The following SETD7 variants were observed in gnomAD, a reference collection of about 807,000 sequenced individuals.
The protein encoded by SETD7 is histone-lysine N-methyltransferase SETD7.
Under a neutral mutation model 41.8 loss-of-function variants are expected in SETD7, and 16 were observed. The observed-to-expected ratio is 0.38, with a 90% CI of 0.26 to 0.58. The LOEUF (loss-of-function observed/expected upper bound fraction) is 0.58. Ranked by LOEUF, SETD7 falls within the 20% of genes least tolerant of loss-of-function variation. The probability of loss-of-function intolerance (pLI) is 0.64; values close to 1 mark genes in which losing one functional copy is unlikely to be tolerated. For synonymous variants in SETD7, 163 were observed against 169.7 expected (o/e 0.96, Z 0.31); for missense variants, 346 against 459.7 (o/e 0.75, Z 2.26).
chr4:139,551,032 A>G lies in SETD7; in HGVS notation c.41-3983T>C, dbSNP rs149400347. Among the ~76,000 whole-genome samples, 433 of 152,312 alleles carry G rather than the reference A, an allele frequency of 2.8e-3. 2 individuals are homozygous for G. Among genetic ancestry groups the G allele is most frequent in the African/African-American group, 9.6e-3 (400 of 41,562 alleles). On this transcript the variant is annotated intron_variant, in intron 1 of 7. Transcript: ENST00000274031. ...TTGGTGATGGTAAGAAGGTACCTCT[A>G]AAAAGGTAGGAACCCCCAGGTCCCT...
chr4:139,556,079 C>T lies in SETD7; in HGVS notation c.40+19G>A. 6.3e-7 allele frequency: 1 copy of T among 1,588,778 alleles called. No homozygotes were observed. Among genetic ancestry groups the T allele is most frequent in the Non-Finnish European group, 8.6e-7 (1 of 1,168,800 alleles). On this transcript the variant is annotated intron_variant, in intron 1 of 7. Transcript: ENST00000274031. ...GGCCCTCTGCGCCTCCTCCCCCGGC[C>T]CCGGAGAAATGCTTGTACCTTCCAC...
Position 139,556,103 on chromosome 4 carries a change from A to G in SETD7, c.35T>C (p.Val12Ala), listed in dbSNP as rs1476486501. 1 of 1,601,148 alleles carries G rather than the reference A, an allele frequency of 6.2e-7. No individual in the cohort carries two copies. The highest frequency in any genetic ancestry group is 8.5e-7 in the Non-Finnish European group (1 of 1,174,798). ...DSDDEMVEEA[V>A]EGHLDDDGLP... ...CCCCGGAGAAATGCTTGTACCTTCC[A>G]CCGCCTCCTCCACCATCTCGTCGTC... Residue 12 changes from valine to alanine, a missense_variant, in exon 1 of 8, where the codon GTG becomes GCG. This residue lies in a region of SETD7 where 266 missense variants were observed against 377.0 expected (regional missense o/e 0.71). Transcript: ENST00000274031.
In SETD7 at chr4:139,555,364, G is replaced by A. The variant is rs1016250130; in HGVS notation, c.40+734C>T. 7.9e-5 allele frequency among the ~76,000 whole-genome samples: 12 copies of A among 151,664 alleles called. No individual in the cohort carries two copies. The highest frequency in any genetic ancestry group is 2.9e-4 in the African/African-American group (12 of 41,284). ...CCAGCAATCTCGGTGCGGACTCGCG[G>A]CGCGCCTGCACAGCGTGGCGGCTGC... is the stretch of plus-strand genomic sequence containing the variant. On this transcript the variant is annotated intron_variant, in intron 1 of 7. Transcript: ENST00000274031. This position sits in a 1 kb window ranked among gnomAD's most constrained non-coding sequence, Gnocchi z 4.0.
intron 4 of SETD7, among the ~76,000 whole-genome samples, chr4:139,524,103 T>C (rs954362447): frequency 1.3e-5 from 2 of 152,130 alleles, no homozygotes; most frequent in Admixed American, 6.5e-5. Context: ...AGAAACAAGA[T>C]TTAGAATCAG....
chr4:139,520,471 T>G (rs1579206777), intron 5 of SETD7, 77 bp from the exon 6 acceptor site: 2 of 758,618 alleles, frequency 2.6e-6, no homozygotes, highest in Non-Finnish European at 4.2e-6. Flanking sequence ...CAAAATATCA[T>G]TAAGGCTACT....
At chr4:139,551,974 GT>G in intron 1 of SETD7, among the ~76,000 whole-genome samples, 1 of 152,238 alleles carries the variant, frequency 6.6e-6, no homozygotes, top group East Asian at 1.9e-4. Context: ...ATAACTTGAT[GT>G]TTTGATCTTT....
chr4:139,545,985 A>G (rs1362806838), intron 2 of SETD7, among the ~76,000 whole-genome samples: 6 of 152,216 alleles, frequency 3.9e-5, no homozygotes, highest in Non-Finnish European at 8.8e-5. Context: ...CCTGAAGCTG[A>G]CAGGGCCTAA....
chr4:139,534,208 T>C (rs975714564), intron 2 of SETD7, among the ~76,000 whole-genome samples: 2 of 152,198 alleles, frequency 1.3e-5, no homozygotes, highest in African/African-American at 4.8e-5. Context: ...CATGTTTTCA[T>C]TGTTATCCTC....
chr4:139,521,151 C>T (rs560714659), intron 5 of SETD7, among the ~76,000 whole-genome samples: 23 of 152,210 alleles, frequency 1.5e-4, no homozygotes, highest in African/African-American at 4.8e-4. Flanking sequence ...GCTGGTCGGG[C>T]GTGGTAGCTG....
chr4:139,547,935 T>C (rs1295330412), intron 1 of SETD7: 1 of 152,212 alleles, frequency 6.6e-6, no homozygotes, highest in South Asian at 2.1e-4. Flanking sequence ...AGGTCAAAGA[T>C]TGGTATAGTT....
intron 1 of SETD7, among the ~76,000 whole-genome samples, chr4:139,552,208 A>C (rs569685350): frequency 6.6e-6 from 1 of 152,340 alleles, no homozygotes; most frequent in South Asian, 2.1e-4. Context: ...ACAGGGCATG[A>C]GCACTCTTAG....
At chr4:139,547,329 T>C (rs922016533) in intron 1 of SETD7, among the ~76,000 whole-genome samples, 1 of 152,212 alleles carries the variant, frequency 6.6e-6, no homozygotes, top group Non-Finnish European at 1.5e-5. Context: ...AGCTTGCTTT[T>C]TACCTGGAAC....
At chr4:139,526,658 C>T (rs943314803) in intron 4 of SETD7, among the ~76,000 whole-genome samples, 9 of 152,068 alleles carry the variant, frequency 5.9e-5, no homozygotes, top group African/African-American at 2.2e-4. Context: ...GTGCTAATAT[C>T]CACATTTGGT....
intron 3 of SETD7, among the ~76,000 whole-genome samples, chr4:139,530,377 G>A (rs1331381797): frequency 1.4e-5 from 1 of 70,728 alleles, no homozygotes; most frequent in Admixed American, 1.4e-4. Context: ...TTTTTTTTTT[G>A]CCTTCTAGGA....
downstream of SETD7, among the ~76,000 whole-genome samples, chr4:139,502,038 T>C (rs1726590236): frequency 6.6e-6 from 1 of 152,138 alleles, no homozygotes; most frequent in Non-Finnish European, 1.5e-5. Flanking sequence ...ATTTTACAAA[T>C]AGAAAAAACT....
chr4:139,523,501 T>C, intron 4 of SETD7, 66 bp from the exon 5 acceptor site: 1 of 1,160,984 alleles, frequency 8.6e-7, no homozygotes, highest in Non-Finnish European at 1.3e-6. Context: ...AACACTTCTC[T>C]CTATTCATGG....
At chr4:139,538,924 T>A (rs144476711) in intron 2 of SETD7, among the ~76,000 whole-genome samples, 1 of 152,346 alleles carries the variant, frequency 6.6e-6, no homozygotes, top group Non-Finnish European at 1.5e-5. Flanking sequence ...TTATCCAACC[T>A]CTTGTACTTA....
chr4:139,543,962 T>TCAAACAAACAAA (rs10684792), intron 2 of SETD7, among the ~76,000 whole-genome samples: 5,520 of 148,140 alleles, frequency 0.037, 161 homozygotes, highest in Non-Finnish European at 0.05. Flanking sequence ...AGACTCCATC[T>TCAAACAAACAAA]CAAACAAACA....
chr4:139,532,034 C>A (rs1356991201), intron 3 of SETD7, among the ~76,000 whole-genome samples: 1 of 152,138 alleles, frequency 6.6e-6, no homozygotes, highest in Non-Finnish European at 1.5e-5. Flanking sequence ...GCAGAGGTTG[C>A]AGTAAGCCGA....
Sources: gnomAD v4.1 joint callset for allele counts (sites outside exome capture counted in the v4.1 genomes callset) on GRCh38, gnomAD v4.1.1 for gene constraint, gnomAD v4.1.1 regional missense constraint, Gnocchi (gnomAD v3.1) non-coding constraint, MANE v1.5 for transcripts, NCBI Gene and HGNC (gene_info 2026-07-23, HGNC 2026-07-21) for gene names.